SMC3: variants seen among roughly 807,000 people sequenced by gnomAD.
SMC3 encodes structural maintenance of chromosomes protein 3.
In SMC3, 20 loss-of-function variants were observed where a neutral mutation model predicts 171.8. That is an observed-to-expected ratio of 0.12 (90% CI 0.08 to 0.17). The LOEUF (loss-of-function observed/expected upper bound fraction) is 0.17. SMC3 is among the 10% of genes least tolerant of loss of function. SMC3 has a pLI of 1.00. For synonymous variants in SMC3, 464 were observed against 451.1 expected, an observed-to-expected ratio of 1.03 and a Z score of -0.36; for missense variants, 543 against 1,420.4, an observed-to-expected ratio of 0.38 and a Z score of 9.93.
At position 110,598,035 on chromosome 10, in the gene SMC3, TG is replaced by T. The variant is rs1329714733; in HGVS notation, c.2117-99del. On this transcript the variant is annotated intron_variant, in intron 19 of 28. Transcript: ENST00000361804. ...TAAATTTGAGGACATAAATGTTATT[TG>T]GGGGTAAAGAAAAGGAAGGGATACA... 13 of 1,031,260 alleles carry T rather than the reference TG, an allele frequency of 1.3e-5. No individual in the cohort carries two copies. The East Asian group carries it at 2.2e-4, about 17-fold the overall frequency. The allele number at this position is 1,031,260 out of a possible 1,614,324, so 63.9% of individuals were successfully genotyped here.
At chr10:110,586,248 AAC>A (rs1234522419) in intron 13 of SMC3, among the ~76,000 whole-genome samples, 2 of 152,218 alleles carry the variant, frequency 1.3e-5, no homozygotes, top group East Asian at 3.8e-4. Context: ...GTGGGGAGAA[AAC>A]ACAACAGCCT....
intron 20 of SMC3, among the ~76,000 whole-genome samples, chr10:110,599,128 C>T (rs955210280): frequency 1.3e-5 from 2 of 151,922 alleles, no homozygotes; most frequent in African/African-American, 4.8e-5. Context: ...GATGGAGTCT[C>T]GCCCTATCGC....
Position 110,577,500 on chromosome 10 carries a change from A to AC in SMC3, c.270+9dup, listed in dbSNP as rs750122724. 3 of 1,592,416 alleles carry AC rather than the reference A, an allele frequency of 1.9e-6. No individual in the cohort carries two copies. The East Asian group carries it at 6.7e-5, about 36-fold the overall frequency. On this transcript the variant is annotated intron_variant, in intron 5 of 28. Coordinates refer to ENST00000361804, the MANE Select transcript of SMC3 (RefSeq NM_005445.4). ...TCAGACAACCGGTTACCAGTAAGTAACTTTTTTTTTAAAGTAATGTTGAGA... is the reference window on the plus strand; with the variant it reads ...TCAGACAACCGGTTACCAGTAAGTAACCTTTTTTTTTAAAGTAATGTTGAGA...
intron 7 of SMC3, among the ~76,000 whole-genome samples, chr10:110,580,141 G>C (rs1861010196): frequency 6.6e-6 from 1 of 152,054 alleles, no homozygotes; most frequent in South Asian, 2.1e-4. Flanking sequence ...AATTAATCTA[G>C]ATATTAAAGT....
At chr10:110,600,116 A>G (rs897383424) in intron 21 of SMC3, among the ~76,000 whole-genome samples, 1 of 152,188 alleles carries the variant, frequency 6.6e-6, no homozygotes, top group Admixed American at 6.5e-5. Flanking sequence ...CTGCCTTTAC[A>G]TATTTAATGT....
At chr10:110,571,330 A>G (rs1860868430) in intron 2 of SMC3, among the ~76,000 whole-genome samples, 2 of 152,232 alleles carry the variant, frequency 1.3e-5, no homozygotes, top group African/African-American at 4.8e-5. Flanking sequence ...AGCTGGTCAT[A>G]GATTTCTAAA....
intron 17 of SMC3, 49 bp from the exon 18 acceptor site, chr10:110,593,024 C>G: frequency 7.0e-7 from 1 of 1,423,936 alleles, no homozygotes; most frequent in East Asian, 2.3e-5. Context: ...ATTCTAAGTT[C>G]TTAGTTAACT....
rs1022878567 is a variant in SMC3 at position 110,595,813 on chromosome 10, A to G, written c.1964-585A>G. On this transcript the variant is annotated intron_variant, in intron 18 of 28. Coordinates refer to ENST00000361804, the MANE Select transcript of SMC3 (RefSeq NM_005445.4). ...TTTTGATGCTCAAATTTTCCCAAAT[A>G]TGGCCAGTGGAAATTTCAAGCTAGG... Among the ~76,000 whole-genome samples the G allele has an allele frequency of 2.7e-5, 4 of 150,848 alleles. No individual in the cohort carries two copies. In the South Asian group the frequency reaches 8.4e-4, roughly 32 times the overall value.
chr10:110,592,939 AG>A (rs1445142724), intron 17 of SMC3, 133 bp from the exon 18 acceptor site: 40 of 796,126 alleles, frequency 5.0e-5, no homozygotes, highest in Non-Finnish European at 4.6e-5. Flanking sequence ...TAACTACTTC[AG>A]GGAAAACGCC....
intron 11 of SMC3, 32 bp from the exon 12 acceptor site, chr10:110,583,809 T>TA: frequency 6.2e-7 from 1 of 1,608,948 alleles, no homozygotes; most frequent in Non-Finnish European, 8.5e-7. Context: ...GCAAAAAATT[T>TA]AAAGCAGTTT....
rs1860791847 is a variant in SMC3, at chr10:110,567,715, C to T, written c.-102C>T. On this transcript the variant is annotated 5_prime_UTR_variant, in exon 1 of 29. Coordinates refer to ENST00000361804, the MANE Select transcript of SMC3 (RefSeq NM_005445.4). ...ATTTTGTTTGGCTGAGGGGAGCGAG[C>T]GGCGCTTTGGGGGAGGGGTCGCGTA... 3.5e-6 allele frequency: 5 copies of T among 1,424,214 alleles called. No homozygotes were observed. The highest frequency in any genetic ancestry group is 4.9e-6 in the Non-Finnish European group (5 of 1,015,896). The allele number at this position is 1,424,214 out of a possible 1,614,324, so 88.2% of individuals were successfully genotyped here.
At position 110,605,496 on chromosome 10, in the gene SMC3, C is replaced by T. The variant is rs1449586206; in HGVS notation, c.*1194C>T. ...GGAGAATTTGTTAGGAGCTACTCTT[C>T]CATCATTGGAAACCAGAAATACCTA... On this transcript the variant is annotated 3_prime_UTR_variant, in exon 29 of 29. Transcript: ENST00000361804. Among the ~76,000 whole-genome samples, 1 of 152,080 alleles carries T rather than the reference C, an allele frequency of 6.6e-6. No homozygotes were observed.
chr10:110,578,844 A>G lies in SMC3; in HGVS notation c.429+138A>G. The G allele has an allele frequency of 9.0e-6, 6 of 670,214 alleles. No homozygotes were observed. The South Asian group carries it at 1.0e-4, about 11-fold the overall frequency. 41.5% of individuals were successfully genotyped at this position (670,214 alleles called of 1,614,324 possible). A position where few individuals can be genotyped will look rare whatever the true frequency, so the allele number is the denominator to read the frequency against. On this transcript the variant is annotated intron_variant, in intron 7 of 28. Transcript: ENST00000361804. ...CTTTTACATGGCCATAAAGTACCAA[A>G]TAGGTCCATTGCATGTTGAGATGGA...
chr10:110,590,859 T>C (rs1861194789), intron 16 of SMC3, 132 bp from the exon 17 acceptor site: 3 of 834,104 alleles, frequency 3.6e-6, no homozygotes, highest in Non-Finnish European at 5.8e-6. Context: ...CTTAAGTGTT[T>C]ATAACATTTT....
At chr10:110,598,095 G>A (rs200201267) in intron 19 of SMC3, 44 bp from the exon 20 acceptor site, 7 of 1,562,340 alleles carry the variant, frequency 4.5e-6, no homozygotes, top group Non-Finnish European at 6.2e-6. Context: ...AAGAACATAC[G>A]ATATATTTAC....
In SMC3 at chr10:110,605,310, C is replaced by A. The variant is rs1861451681; in HGVS notation, c.*1008C>A. On this transcript the variant is annotated 3_prime_UTR_variant, in exon 29 of 29. Coordinates refer to ENST00000361804, the MANE Select transcript of SMC3 (RefSeq NM_005445.4). The stretch of plus-strand genomic sequence containing the variant: ...CTCCTGTGACCCTGGAAAACTACCT[C>A]AATAGTCCTCGTAGCTTTTTGTAGA... Among the ~76,000 whole-genome samples, 1 of 152,124 alleles carries A rather than the reference C, an allele frequency of 6.6e-6. No homozygotes were observed. Among genetic ancestry groups the A allele is most frequent in the South Asian group, 2.1e-4 (1 of 4,830 alleles).
intron 1 of SMC3, among the ~76,000 whole-genome samples, 159 bp from the exon 2 acceptor site, chr10:110,568,779 T>G (rs1860823154): frequency 1.3e-5 from 2 of 152,036 alleles, no homozygotes. Flanking sequence ...TTTTTTTTTT[T>G]TAGCAGATTT....
chr10:110,589,502 C>T, intron 13 of SMC3, 103 bp from the exon 14 acceptor site: 1 of 747,616 alleles, frequency 1.3e-6, no homozygotes, highest in Middle Eastern at 2.3e-4. Flanking sequence ...CCTCCCTCAC[C>T]TTTTGTCCGC....
At position 110,599,799 on chromosome 10, in the gene SMC3, G is replaced by T; in HGVS notation, c.2414G>T (p.Arg805Leu). The T allele has an allele frequency of 1.9e-6, 3 of 1,614,026 alleles. No homozygotes were observed. The highest frequency in any genetic ancestry group is 2.5e-6 in the Non-Finnish European group (3 of 1,179,976). ...GTAGATGCACTGAATGATGAGATTC[G>T]TCAACTTCAGCAGGTAAGTAGACAG... ...KRVDALNDEI[R>L]QLQQENRQLL... Residue 805 changes from arginine to leucine, a missense_variant, in exon 21 of 29, where the codon CGT becomes CTT. By Grantham distance (102) the Arg-to-Leu change is moderately radical. This residue lies in a region of SMC3 where 218 missense variants were observed against 509.6 expected (regional missense o/e 0.43). Coordinates refer to ENST00000361804, the MANE Select transcript of SMC3 (RefSeq NM_005445.4).
Sources: gnomAD v4.1 joint callset for allele counts (sites outside exome capture counted in the v4.1 genomes callset) on GRCh38, gnomAD v4.1.1 for gene constraint, gnomAD v4.1.1 regional missense constraint, MANE v1.5 for transcripts, NCBI Gene and HGNC (gene_info 2026-07-23, HGNC 2026-07-21) for gene names.